The following ZDHHC17 variants were observed in gnomAD, a reference collection of about 807,000 sequenced individuals.
The protein encoded by ZDHHC17 is zDHHC palmitoyltransferase 17, also known as palmitoyltransferase ZDHHC17.
A neutral mutation model predicts 90.3 loss-of-function variants in ZDHHC17; 40 were observed. That is an observed-to-expected ratio of 0.44 (90% CI 0.34 to 0.58). ZDHHC17 has a LOEUF of 0.58. Among genes scored for constraint, ZDHHC17 ranks in the 20% least tolerant of loss-of-function variants. ZDHHC17 has a pLI of 0.01. For missense variants in ZDHHC17, 614 were observed against 780.8 expected (o/e 0.79, Z 2.55); for synonymous variants, 235 against 252.4 (o/e 0.93, Z 0.65).
chr12:76,811,704 A>C (rs1953024010), intron 5 of ZDHHC17, among the ~76,000 whole-genome samples: 1 of 145,666 alleles, frequency 6.9e-6, no homozygotes, highest in South Asian at 2.2e-4. Flanking sequence ...TATGACTTAG[A>C]AAATGAAATC....
chr12:76,784,310 T>A (rs893039796), intron 1 of ZDHHC17, among the ~76,000 whole-genome samples: 10 of 152,176 alleles, frequency 6.6e-5, no homozygotes, highest in Non-Finnish European at 1.5e-4. Context: ...AAAGAGCCCC[T>A]ATCAGAGCAA....
chr12:76,849,343 A>C, intron 15 of ZDHHC17, 33 bp from the exon 16 acceptor site: 2 of 1,132,008 alleles, frequency 1.8e-6, no homozygotes, highest in East Asian at 2.7e-5. Flanking sequence ...AAAAAAAAAC[A>C]AGAATAATGG....
chr12:76,773,046 C>T (rs866702598), intron 1 of ZDHHC17, among the ~76,000 whole-genome samples: 13 of 152,134 alleles, frequency 8.5e-5, no homozygotes, highest in Middle Eastern at 3.4e-3. Context: ...TTAGTAGAGA[C>T]GGGATTTCAC....
At chr12:76,822,816 C>T (rs1488496441) in intron 8 of ZDHHC17, among the ~76,000 whole-genome samples, 13 of 151,938 alleles carry the variant, frequency 8.6e-5, no homozygotes, top group South Asian at 2.1e-4. Context: ...ACTCCCACCT[C>T]GGCCTCCCAA....
intron 1 of ZDHHC17, among the ~76,000 whole-genome samples, chr12:76,788,688 A>ATATATTTTTTT (rs61663401): frequency 7.1e-5 from 7 of 98,648 alleles, no homozygotes; most frequent in African/African-American, 2.8e-4. Context: ...TGGAATCGCA[A>ATATATTTTTTT]TTTTTTTTTT....
In ZDHHC17 at chr12:76,788,695, T is replaced by TTTTTTTTTTTTTTTC. The variant is rs1952723341; in HGVS notation, c.94-8725_94-8724insCTTTTTTTTTTTTTT. On this transcript the variant is annotated intron_variant, in intron 1 of 16. Transcript: ENST00000426126. ...ATTTAAGTTGGAATCGCAATTTTTTTTTTTTTTTTTTTTTTTTTTGAGCAG... is the reference window on the plus strand; with the variant it reads ...ATTTAAGTTGGAATCGCAATTTTTTTTTTTTTTTTTTTTTCTTTTTTTTTTTTTTTTTTTGAGCAG... Among the ~76,000 whole-genome samples the TTTTTTTTTTTTTTTC allele has an allele frequency of 2.3e-5, 3 of 128,236 alleles. 1 individual carries two copies. The highest frequency in any genetic ancestry group is 8.2e-5 in the Admixed American group (1 of 12,252). 84.1% of individuals were successfully genotyped at this position (128,236 alleles called of 152,430 possible).
In ZDHHC17 at chr12:76,827,079, A is replaced by C. The variant is rs781415206; in HGVS notation, c.1040+29A>C. On this transcript the variant is annotated intron_variant, in intron 9 of 16. Coordinates refer to ENST00000426126, the MANE Select transcript of ZDHHC17 (RefSeq NM_015336.4). ...AGTGTGTTGTTTTTAACTATATTTT[A>C]AACTGTACATGAAATAATATAATTT... The C allele has an allele frequency of 1.5e-5, 23 of 1,535,286 alleles. No homozygotes were observed. The South Asian group carries it at 1.7e-4, about 12-fold the overall frequency.
At chr12:76,812,708 C>T (rs11115521) in intron 5 of ZDHHC17, among the ~76,000 whole-genome samples, 1,675 of 151,964 alleles carry the variant, frequency 0.011, 11 homozygotes, top group Non-Finnish European at 0.017. Context: ...TTCCATTTTC[C>T]CATTTTGTTG....
At position 76,845,754 on chromosome 12, in the gene ZDHHC17, T is replaced by C; in HGVS notation, c.1375T>C (p.Cys459Arg). The C allele has an allele frequency of 6.2e-7, 1 of 1,612,350 alleles. No individual in the cohort carries two copies. Among genetic ancestry groups the C allele is most frequent in the Non-Finnish European group, 8.5e-7 (1 of 1,178,796 alleles). Residue 459 changes from cysteine to arginine, a missense_variant, in exon 13 of 17, where the codon TGT (cysteine) becomes CGT (arginine). Physicochemically the swap from Cys to Arg is radical, Grantham distance 180 (BLOSUM62 -3). Coordinates refer to ENST00000426126, the MANE Select transcript of ZDHHC17 (RefSeq NM_015336.4). The part of the protein sequence containing the change: ...RSKHCGVCNR[C>R]IAKFDHHCPW... ...CAAACATTGTGGTGTGTGCAACCGC[T>C]GTATAGCAAAATTTGATCATCATTG...
chr12:76,798,164 G>A (rs1055578197), intron 2 of ZDHHC17, among the ~76,000 whole-genome samples: 2 of 152,026 alleles, frequency 1.3e-5, no homozygotes, highest in Non-Finnish European at 2.9e-5. Flanking sequence ...ATATTCTCCC[G>A]CCCGCAACCA....
chr12:76,795,348 A>G (rs948521249), intron 1 of ZDHHC17, among the ~76,000 whole-genome samples: 2 of 152,048 alleles, frequency 1.3e-5, no homozygotes, highest in African/African-American at 4.8e-5. Context: ...AACGTTGCAC[A>G]TGTCTTACCC....
chr12:76,783,316 A>G (rs996967779), intron 1 of ZDHHC17, among the ~76,000 whole-genome samples: 4 of 152,224 alleles, frequency 2.6e-5, no homozygotes, highest in Admixed American at 6.5e-5. Flanking sequence ...ACAGTGCCAC[A>G]TGGCTGGGGA....
intron 8 of ZDHHC17, among the ~76,000 whole-genome samples, chr12:76,822,812 A>G (rs1953181914): frequency 6.6e-6 from 1 of 151,516 alleles, no homozygotes; most frequent in African/African-American, 2.4e-5. Context: ...TGATACTCCC[A>G]CCTCGGCCTC....
chr12:76,808,954 A>C (rs1193657592), intron 3 of ZDHHC17, 89 bp from the exon 4 acceptor site: 2 of 755,338 alleles, frequency 2.6e-6, no homozygotes, highest in African/African-American at 1.8e-5. Context: ...GAGATCTGAA[A>C]TAGAAAACAT....
intron 1 of ZDHHC17, among the ~76,000 whole-genome samples, chr12:76,786,801 A>G (rs978557902): frequency 4.6e-5 from 7 of 152,304 alleles, no homozygotes; most frequent in Middle Eastern, 6.8e-3. Flanking sequence ...AAATCTTTAG[A>G]TGATCTTCTA....
At chr12:76,823,374 G>A (rs1183764359) in intron 8 of ZDHHC17, among the ~76,000 whole-genome samples, 4 of 152,146 alleles carry the variant, frequency 2.6e-5, no homozygotes, top group Non-Finnish European at 4.4e-5. Context: ...TATACCTTCA[G>A]TTTTAAATTG....
intron 10 of ZDHHC17, among the ~76,000 whole-genome samples, chr12:76,829,389 G>A (rs553995037): frequency 5.4e-5 from 8 of 149,284 alleles, no homozygotes; most frequent in African/African-American, 2.0e-4. Flanking sequence ...CCCGAGAGGC[G>A]GAGGTTGCAG....
At chr12:76,786,268 A>T (rs1952685124) in intron 1 of ZDHHC17, among the ~76,000 whole-genome samples, 1 of 151,596 alleles carries the variant, frequency 6.6e-6, no homozygotes, top group Non-Finnish European at 1.5e-5. Context: ...AAGCCTGGCT[A>T]ATTTTTTTTA....
chr12:76,778,909 T>C (rs939293376), intron 1 of ZDHHC17, among the ~76,000 whole-genome samples: 1 of 152,178 alleles, frequency 6.6e-6, no homozygotes, highest in Non-Finnish European at 1.5e-5. Context: ...GTCTCTCTGC[T>C]TAGCTTGCAG....
Sources: gnomAD v4.1 joint callset for allele counts (sites outside exome capture counted in the v4.1 genomes callset) on GRCh38, gnomAD v4.1.1 for gene constraint, MANE v1.5 for transcripts, NCBI Gene and HGNC (gene_info 2026-07-23, HGNC 2026-07-21) for gene names.